RNLS: variants seen among roughly 807,000 people sequenced by gnomAD.
The protein encoded by RNLS is renalase.
RNLS carries 39 observed loss-of-function variants against 39.8 expected under a neutral mutation model. The ratio of observed to expected loss-of-function variants is 0.98; its 90% CI spans 0.76 to 1.28. The LOEUF (loss-of-function observed/expected upper bound fraction) is 1.28, where lower values mean the gene tolerates loss of function less well. RNLS is among the 50% of genes most tolerant of loss of function. RNLS has a pLI of 0.00. For missense variants in RNLS, 410 were observed against 413.3 expected (o/e 0.99, Z 0.07); for synonymous variants, 147 against 150.7 (o/e 0.98, Z 0.18).
Position 88,364,848 on chromosome 10 carries a change from G to A in RNLS, c.527-2123C>T, listed in dbSNP as rs141221620. On this transcript the variant is annotated intron_variant, in intron 4 of 6. Coordinates refer to ENST00000331772, the MANE Select transcript of RNLS (RefSeq NM_001031709.3). ...ATAGTTACTGTTTTCTAAGAGGGAG[G>A]AGGTGAAACATTAATGCTAGCAGCT... is the stretch of plus-strand genomic sequence containing the variant. Among the ~76,000 whole-genome samples the A allele has an allele frequency of 3.4e-3, 524 of 152,150 alleles. 1 individual carries two copies. The highest frequency in any genetic ancestry group is 5.0e-3 in the Admixed American group (76 of 15,268).
At chr10:88,185,766 A>G in the RNLS span, among the ~76,000 whole-genome samples, 1 of 152,208 alleles carries the variant, frequency 6.6e-6, no homozygotes, top group Non-Finnish European at 1.5e-5. Flanking sequence ...TTAAGCTAAC[A>G]AGGAAAAATA....
intron 4 of RNLS, among the ~76,000 whole-genome samples, chr10:88,412,625 C>T (rs539861219): frequency 4.6e-5 from 7 of 151,946 alleles, no homozygotes; most frequent in African/African-American, 7.2e-5. Context: ...TCATATATGG[C>T]GTCATAGGAA....
chr10:88,273,641 A>G (rs1469060589), downstream of RNLS, among the ~76,000 whole-genome samples: 2 of 152,224 alleles, frequency 1.3e-5, no homozygotes, highest in Non-Finnish European at 2.9e-5. Context: ...TTAAATAAAC[A>G]TATTGCAAAT....
chr10:88,520,673 T>C (rs1035063403), intron 4 of RNLS, among the ~76,000 whole-genome samples: 3 of 152,064 alleles, frequency 2.0e-5, no homozygotes, highest in African/African-American at 7.2e-5. Flanking sequence ...ATAAATATTT[T>C]ATTCAACATA....
intron 6 of RNLS, among the ~76,000 whole-genome samples, chr10:88,298,028 G>A (rs1386106645): frequency 2.0e-5 from 3 of 152,008 alleles, no homozygotes; most frequent in Non-Finnish European, 2.9e-5. Context: ...TAATGGTAGT[G>A]AAATAGTATC....
the RNLS span, among the ~76,000 whole-genome samples, chr10:88,203,452 G>GTATGTA: frequency 1.7e-3 from 1 of 580 alleles, no homozygotes; most frequent in East Asian, 8.2e-3. Context: ...GTGTGTGTGT[G>GTATGTA]TGTGTATATA....
intron 6 of RNLS, among the ~76,000 whole-genome samples, chr10:88,287,937 G>T (rs1464184475): frequency 6.6e-6 from 1 of 152,036 alleles, no homozygotes; most frequent in Non-Finnish European, 1.5e-5. Context: ...ACCATATTGG[G>T]ATGCTATATA....
intron 4 of RNLS, among the ~76,000 whole-genome samples, chr10:88,393,558 G>T (rs1335120654): frequency 6.6e-6 from 1 of 152,186 alleles, no homozygotes; most frequent in African/African-American, 2.4e-5. Context: ...CAAACAAATG[G>T]AAGAACATTC....
At chr10:88,218,834 G>GCC in the RNLS span, among the ~76,000 whole-genome samples, 1 of 151,998 alleles carries the variant, frequency 6.6e-6, no homozygotes, top group African/African-American at 2.4e-5. Flanking sequence ...TCTCAGACAG[G>GCC]CCCCACCCTC....
At chr10:88,218,348 C>T in the RNLS span, among the ~76,000 whole-genome samples, 101,374 of 152,206 alleles carry the variant, frequency 0.67, 34,303 homozygotes, top group African/African-American at 0.78. Flanking sequence ...GGCTAGGTCT[C>T]GGATGGTCTG....
At chr10:88,400,565 A>G (rs2133636190) in intron 4 of RNLS, among the ~76,000 whole-genome samples, 1 of 152,114 alleles carries the variant, frequency 6.6e-6, no homozygotes, top group Admixed American at 6.6e-5. Context: ...AACATATCAT[A>G]TGACATTTTA....
At chr10:88,565,832 C>T (rs1023418708) in intron 4 of RNLS, among the ~76,000 whole-genome samples, 1 of 147,734 alleles carries the variant, frequency 6.8e-6, no homozygotes, top group Non-Finnish European at 1.5e-5. Flanking sequence ...TCACTGCAAC[C>T]TCCGCCTCCC....
intron 4 of RNLS, among the ~76,000 whole-genome samples, chr10:88,561,522 A>G (rs970708590): frequency 2.0e-5 from 3 of 152,190 alleles, no homozygotes; most frequent in African/African-American, 7.2e-5. Context: ...AAACAAAGCT[A>G]GATACCTTTC....
the RNLS span, among the ~76,000 whole-genome samples, chr10:88,261,913 G>A: frequency 2.0e-5 from 3 of 152,352 alleles, no homozygotes; most frequent in South Asian, 6.2e-4. Flanking sequence ...TAATCTTTTA[G>A]ATGGAGGAGT....
intron 4 of RNLS, among the ~76,000 whole-genome samples, chr10:88,420,775 T>C (rs928949154): frequency 9.2e-5 from 14 of 152,256 alleles, no homozygotes; most frequent in African/African-American, 3.4e-4. Context: ...TCCTTCAATT[T>C]ACTACAATAG....
intron 4 of RNLS, among the ~76,000 whole-genome samples, chr10:88,487,526 G>A (rs1302020412): frequency 6.6e-6 from 1 of 152,098 alleles, no homozygotes; most frequent in African/African-American, 2.4e-5. Flanking sequence ...AAATCATAAT[G>A]AGATACCACT....
the RNLS span, among the ~76,000 whole-genome samples, chr10:88,224,612 TTCCTTATA>T: frequency 6.6e-6 from 1 of 152,194 alleles, no homozygotes; most frequent in Non-Finnish European, 1.5e-5. Context: ...TAGGTTTTTG[TTCCTTATA>T]TCCAAAGGAG....
chr10:88,300,296 G>C (rs1844419176), intron 6 of RNLS, among the ~76,000 whole-genome samples: 1 of 152,334 alleles, frequency 6.6e-6, no homozygotes, highest in Middle Eastern at 3.4e-3. Flanking sequence ...ATTCTTGAAA[G>C]AGAGAGAGAA....
intron 5 of RNLS, among the ~76,000 whole-genome samples, chr10:88,357,114 T>C (rs2488273): frequency 0.26 from 39,628 of 152,210 alleles, 6,084 homozygotes; most frequent in Non-Finnish European, 0.35. Context: ...AACTGTTAAT[T>C]ATAATAATAC....
Sources: allele counts gnomAD v4.1 joint callset (sites outside exome capture counted in the v4.1 genomes callset), GRCh38; gene constraint gnomAD v4.1.1; transcripts MANE v1.5; gene names NCBI Gene and HGNC (gene_info 2026-07-23, HGNC 2026-07-21).